Variants in ALMS1 observed in about 807,000 individuals in gnomAD.
ALMS1 encodes ALMS1 centrosome and basal body associated protein.
ALMS1 carries 271 observed loss-of-function variants against 352.2 expected under a neutral mutation model. The ratio of observed to expected loss-of-function variants is 0.77; its 90% CI spans 0.70 to 0.85. The LOEUF (loss-of-function observed/expected upper bound fraction) is 0.85, where lower values mean the gene tolerates loss of function less well. Among genes scored for constraint, ALMS1 ranks in the 40% least tolerant of loss-of-function variants. The probability of loss-of-function intolerance (pLI) is 0.00; values close to 1 mark genes in which losing one functional copy is unlikely to be tolerated. For synonymous variants in ALMS1, 1,865 were observed against 1,761.2 expected, an observed-to-expected ratio of 1.06 and a Z score of -1.48; for missense variants, 5,445 against 4,870.7, an observed-to-expected ratio of 1.12 and a Z score of -3.51.
intron 1 of ALMS1, among the ~76,000 whole-genome samples, chr2:73,396,575 G>T: frequency 1.0e-5 from 1 of 95,268 alleles, no homozygotes; most frequent in Non-Finnish European, 2.0e-5. Context: ...TTTTTTTGCA[G>T]GATGGGGCAT....
chr2:73,599,639 A>G, intron 17 of ALMS1, 118 bp downstream of exon 17: 1 of 1,239,126 alleles, frequency 8.1e-7, no homozygotes, highest in Non-Finnish European at 1.2e-6. Flanking sequence ...TCCAACTGCC[A>G]ATTTTCATCT....
At chr2:73,392,291 T>C (rs1350161008) in intron 1 of ALMS1, among the ~76,000 whole-genome samples, 2 of 151,906 alleles carry the variant, frequency 1.3e-5, no homozygotes, top group East Asian at 3.9e-4. Flanking sequence ...TGTGTGTGTG[T>C]GTGTGTATTT....
intron 9 of ALMS1, among the ~76,000 whole-genome samples, chr2:73,482,040 T>C (rs1672718539): frequency 1.3e-5 from 2 of 152,188 alleles, no homozygotes; most frequent in Non-Finnish European, 1.5e-5. Flanking sequence ...CAATTTGACT[T>C]CCTCTTTTCC....
At chr2:73,395,030 A>ATATATATGTG (rs1165404270) in intron 1 of ALMS1, among the ~76,000 whole-genome samples, 2 of 135,668 alleles carry the variant, frequency 1.5e-5, no homozygotes, top group Admixed American at 7.9e-5. Context: ...ATATATGTGT[A>ATATATATGTG]TATATATGTG....
At chr2:73,497,845 A>G (rs570404394) in intron 10 of ALMS1, among the ~76,000 whole-genome samples, 2 of 152,228 alleles carry the variant, frequency 1.3e-5, no homozygotes, top group South Asian at 2.1e-4. Flanking sequence ...CTGCTGTACA[A>G]GTGTGTGCAC....
At chr2:73,408,516 A>G in intron 1 of ALMS1, 106 bp from the exon 2 acceptor site, 3 of 1,298,810 alleles carry the variant, frequency 2.3e-6, no homozygotes, top group Middle Eastern at 2.0e-4. Context: ...GTATATGTGA[A>G]AGGGCTTTAT....
chr2:73,591,663 CCATGAGGATAT>C (rs1415445984), intron 16 of ALMS1, among the ~76,000 whole-genome samples: 1 of 151,960 alleles, frequency 6.6e-6, no homozygotes, highest in African/African-American at 2.4e-5. Flanking sequence ...GGATCTGACC[CCATGAGGATAT>C]CATGAGTGAG....
intron 13 of ALMS1, among the ~76,000 whole-genome samples, chr2:73,553,454 T>A (rs1674481309): frequency 6.6e-6 from 1 of 152,214 alleles, no homozygotes; most frequent in Non-Finnish European, 1.5e-5. Context: ...GTAGGATACC[T>A]TATGTGATTG....
intron 16 of ALMS1, among the ~76,000 whole-genome samples, chr2:73,597,731 T>G (rs1675580845): frequency 6.6e-6 from 1 of 151,856 alleles, no homozygotes; most frequent in Non-Finnish European, 1.5e-5. Context: ...AGACCGCTAA[T>G]AAAGGGAAGA....
At position 73,452,326 on chromosome 2, in the gene ALMS1, A is replaced by G. The variant is rs765458843; in HGVS notation, c.5799A>G (p.Ile1933Met). ...VPGQGDRKTE[I>M]PTVPLSYYSR... ...GACAAGGTGACCGGAAGACTGAGAT[A>G]CCAACAGTACCTTTAAGTTACTACT... Residue 1933 changes from isoleucine to methionine, a missense_variant, in exon 8 of 23, where the codon ATA becomes ATG. Transcript: ENST00000613296. 1 of 1,614,098 alleles carries G rather than the reference A, an allele frequency of 6.2e-7. No homozygotes were observed. The highest frequency in any genetic ancestry group is 8.5e-7 in the Non-Finnish European group (1 of 1,179,990).
At chr2:73,392,346 A>G (rs571778439) in intron 1 of ALMS1, among the ~76,000 whole-genome samples, 4 of 151,666 alleles carry the variant, frequency 2.6e-5, no homozygotes, top group Non-Finnish European at 5.9e-5. Flanking sequence ...ACATTTTAAT[A>G]GCTTTTTTGA....
In ALMS1 at chr2:73,448,438, A is replaced by G; in HGVS notation, c.1911A>G (p.Pro637=). 3.7e-6 allele frequency: 6 copies of G among 1,614,012 alleles called. No individual in the cohort carries two copies. The highest frequency in any genetic ancestry group is 1.7e-5 in the Admixed American group (1 of 60,002). The change falls in exon 8 of 23, where the codon CCA becomes CCG. Residue 637 remains proline (P), a synonymous_variant. Transcript: ENST00000613296. ...GTACTTTTTACCAACAAGAGTTACC[A>G]GAGAGTAACTTAACCGAAGAGCCTT... ...KPGTFYQQEL[P]ESNLTEEPLE... is the part of the protein sequence containing the mutation.
intron 9 of ALMS1, among the ~76,000 whole-genome samples, chr2:73,461,454 G>A (rs1672199992): frequency 6.6e-6 from 1 of 152,220 alleles, no homozygotes. Context: ...AAACCCATCT[G>A]TACGTCACCA....
rs1313456848 is a variant in ALMS1, at chr2:73,432,282, T to C, written c.1423T>C (p.Leu475=). 15 of 1,609,928 alleles carry C rather than the reference T, an allele frequency of 9.3e-6. No individual in the cohort carries two copies. The highest frequency in any genetic ancestry group is 1.3e-5 in the Non-Finnish European group (15 of 1,176,352). Residue 475 remains leucine, a synonymous_variant, in exon 7 of 23, where the codon TTA becomes CTA. Transcript: ENST00000613296. ...CACTGTGCCAAAGGCTCCTAAACAT[T>C]TAAAAGCAGGTACGTAGAAAAAGGA... The part of the protein sequence containing the change: ...PDTVPKAPKH[L]KAGDTSKGGI...
chr2:73,518,839 A>G (rs1340017679), intron 10 of ALMS1, among the ~76,000 whole-genome samples: 2 of 152,172 alleles, frequency 1.3e-5, no homozygotes, highest in African/African-American at 4.8e-5. Flanking sequence ...TCAGATGCAT[A>G]GTTTGCAAAT....
In ALMS1 at chr2:73,450,942, C is replaced by T. The variant is rs1471222688; in HGVS notation, c.4415C>T (p.Thr1472Ile). 2 of 1,613,964 alleles carry T rather than the reference C, an allele frequency of 1.2e-6. No individual in the cohort carries two copies. The highest frequency in any genetic ancestry group is 1.1e-5 in the South Asian group (1 of 91,074). Reference protein sequence around the residue: ...VDQTIGTPTVTSPSSSFGEKP... With the variant: ...VDQTIGTPTVISPSSSFGEKP... Reference sequence around the variant, plus strand: ...CAGACGATTGGCACACCAACTGTAACCTCCCCTTCCAGCTCATTTGGAGAG... The same window carrying T: ...CAGACGATTGGCACACCAACTGTAATCTCCCCTTCCAGCTCATTTGGAGAG... Residue 1472 changes from threonine to isoleucine, a missense_variant, in exon 8 of 23, where the codon ACC (threonine) becomes ATC (isoleucine). Transcript: ENST00000613296.
chr2:73,479,055 T>G (rs147106283), intron 9 of ALMS1, among the ~76,000 whole-genome samples: 9,167 of 152,252 alleles, frequency 0.06, 678 homozygotes, highest in African/African-American at 0.16. Context: ...TTCCATGGTA[T>G]ATATGTGCCA....
chr2:73,514,684 C>G (rs527272649), intron 10 of ALMS1, among the ~76,000 whole-genome samples: 1 of 152,208 alleles, frequency 6.6e-6, no homozygotes, highest in African/African-American at 2.4e-5. Flanking sequence ...TCTAGCAGTT[C>G]TGTACTATGT....
At chr2:73,397,976 A>C (rs562205467) in intron 1 of ALMS1, among the ~76,000 whole-genome samples, 1 of 152,308 alleles carries the variant, frequency 6.6e-6, no homozygotes, top group East Asian at 1.9e-4. Context: ...ATAAGTTTTT[A>C]ATTAAATCCA....
Sources: allele counts gnomAD v4.1 joint callset (sites outside exome capture counted in the v4.1 genomes callset), GRCh38; gene constraint gnomAD v4.1.1; transcripts MANE v1.5; gene names NCBI Gene and HGNC (gene_info 2026-07-23, HGNC 2026-07-21).